ZNF599: variants seen among roughly 807,000 people sequenced by gnomAD.
ZNF599 encodes the protein zinc finger protein 599.
A neutral mutation model predicts 11.7 loss-of-function variants in ZNF599; 10 were observed. The observed-to-expected ratio is 0.86, with a 90% CI of 0.53 to 1.45. The LOEUF is 1.45. Among genes scored for constraint, ZNF599 ranks in the 40% most tolerant of loss-of-function variants. The probability of loss-of-function intolerance (pLI) is 0.00; values close to 1 mark genes in which losing one functional copy is unlikely to be tolerated. For synonymous variants in ZNF599, 232 were observed against 253.2 expected, an observed-to-expected ratio of 0.92 and a Z score of 0.79; for missense variants, 688 against 713.6, an observed-to-expected ratio of 0.96 and a Z score of 0.41.
At chr19:34,786,046 A>G in the ZNF599 span, among the ~76,000 whole-genome samples, 2 of 152,074 alleles carry the variant, frequency 1.3e-5, no homozygotes, top group African/African-American at 4.8e-5. Context: ...GGAGGATCAT[A>G]GCTAATGCAA....
At chr19:34,769,657 T>C in intron 1 of ZNF599, 102 bp from the exon 2 acceptor site, 1 of 1,419,176 alleles carries the variant, frequency 7.0e-7, no homozygotes, top group Non-Finnish European at 9.6e-7. Flanking sequence ...CCTGAACCAC[T>C]GAGCAACTCC....
chr19:34,794,960 A>T, the ZNF599 span, among the ~76,000 whole-genome samples: 4 of 152,134 alleles, frequency 2.6e-5, no homozygotes, highest in Admixed American at 1.3e-4. Flanking sequence ...GGTCCTGCCT[A>T]GCTTTGAAGG....
At chr19:34,804,504 T>C in the ZNF599 span, among the ~76,000 whole-genome samples, 1 of 152,260 alleles carries the variant, frequency 6.6e-6, no homozygotes, top group East Asian at 1.9e-4. Context: ...ACCTGAAGAT[T>C]TCTTCTTCTA....
Position 34,772,948 on chromosome 19 carries a change from G to T in ZNF599, c.-107C>A. The T allele has an allele frequency of 7.7e-7, 1 of 1,297,258 alleles. No individual in the cohort carries two copies. The highest frequency in any genetic ancestry group is 1.0e-6 in the Non-Finnish European group (1 of 995,130). 80.4% of individuals were successfully genotyped at this position (1,297,258 alleles called of 1,614,324 possible). On this transcript the variant is annotated 5_prime_UTR_variant, in exon 1 of 4. Coordinates refer to ENST00000329285, the MANE Select transcript of ZNF599 (RefSeq NM_001007248.3). ...TGGGCTGCGAGGGACCTCAGTCCCC[G>T]CCGTCGTGTAAAATGCACACAAGGT...
chr19:34,802,939 C>T, the ZNF599 span, among the ~76,000 whole-genome samples: 2 of 152,172 alleles, frequency 1.3e-5, no homozygotes, highest in East Asian at 3.8e-4. Flanking sequence ...CAACAGACTA[C>T]AGGTAAGAAA....
chr19:34,768,404 A>G (rs1259945764), intron 2 of ZNF599, among the ~76,000 whole-genome samples: 9 of 152,246 alleles, frequency 5.9e-5, no homozygotes, highest in African/African-American at 1.9e-4. Flanking sequence ...ATCCCTCGTG[A>G]GGACGCAGGA....
intron 3 of ZNF599, chr19:34,764,236 T>C (rs1303227494): frequency 6.6e-6 from 1 of 152,202 alleles, no homozygotes. Context: ...GCTGTGGTGC[T>C]GAGAAACACC....
the ZNF599 span, among the ~76,000 whole-genome samples, chr19:34,804,973 T>C: frequency 6.6e-6 from 1 of 152,194 alleles, no homozygotes; most frequent in African/African-American, 2.4e-5. Context: ...GCATAAACAC[T>C]ATCCTATAAA....
chr19:34,773,454 G>T (rs1351320865), upstream of ZNF599, among the ~76,000 whole-genome samples: 1 of 152,014 alleles, frequency 6.6e-6, no homozygotes, highest in East Asian at 1.9e-4. Context: ...ATTATCTGAG[G>T]CAATGACCCA....
At chr19:34,763,820 A>T (rs1375691201) in intron 3 of ZNF599, 1 of 152,146 alleles carries the variant, frequency 6.6e-6, no homozygotes, top group Non-Finnish European at 1.5e-5. Context: ...GTGGGGGCTC[A>T]CACCTGTAAT....
At chr19:34,790,446 G>A in the ZNF599 span, among the ~76,000 whole-genome samples, 1 of 152,110 alleles carries the variant, frequency 6.6e-6, no homozygotes, top group South Asian at 2.1e-4. Context: ...AAAAAGGGGG[G>A]AAATTCTGTC....
Position 34,772,845 on chromosome 19 carries a change from C to T in ZNF599, c.-4G>A, listed in dbSNP as rs2069193333. 3 of 1,510,984 alleles carry T rather than the reference C, an allele frequency of 2.0e-6. No individual in the cohort carries two copies. In the African/African-American group the frequency reaches 4.3e-5, roughly 22 times the overall value. The allele number at this position is 1,510,984 out of a possible 1,614,324, so 93.6% of individuals were successfully genotyped here. ...TCACCAACGCCGGCGCCGCCATGGGCCCAGGGGGCTGGGTGAGGCCGTGAG... is the reference window on the plus strand; with the variant it reads ...TCACCAACGCCGGCGCCGCCATGGGTCCAGGGGGCTGGGTGAGGCCGTGAG... On this transcript the variant is annotated 5_prime_UTR_variant, in exon 1 of 4. Transcript: ENST00000329285.
Position 34,767,335 on chromosome 19 carries a change from G to C in ZNF599, c.222C>G (p.Leu74=). Residue 74 remains leucine, a synonymous_variant, in exon 3 of 4, where the codon CTC becomes CTG. Coordinates refer to ENST00000329285, the MANE Select transcript of ZNF599 (RefSeq NM_001007248.3). ...ACCAACCTGCGCAGGTGCTTTGGGA[G>C]AGGCCTCTCTTCACTGTCCACAGTT... is the stretch of plus-strand genomic sequence containing the variant. ...GQELWTVKRG[L]SQSTCAGEKA... is the part of the protein sequence containing the mutation. The C allele has an allele frequency of 6.2e-7, 1 of 1,614,146 alleles. No homozygotes were observed. The highest frequency in any genetic ancestry group is 8.5e-7 in the Non-Finnish European group (1 of 1,180,004).
chr19:34,785,304 A>G, the ZNF599 span, among the ~76,000 whole-genome samples: 1 of 152,130 alleles, frequency 6.6e-6, no homozygotes, highest in African/African-American at 2.4e-5. Flanking sequence ...TTTAGCGAAC[A>G]CCACTTACCT....
Position 34,773,087 on chromosome 19 carries a change from T to G in ZNF599, c.-246A>C. On this transcript the variant is annotated 5_prime_UTR_variant, in exon 1 of 4. Transcript: ENST00000329285. ...CGCGGCTGACATAAAAGCGTGTAAG[T>G]GGGTCCTATCCTCCTCACTGTCCGT... 1.9e-6 allele frequency: 1 copy of G among 523,258 alleles called. No individual in the cohort carries two copies. Among genetic ancestry groups the G allele is most frequent in the Non-Finnish European group, 3.3e-6 (1 of 300,718 alleles). The allele number at this position is 523,258 out of a possible 1,614,324, so 32.4% of individuals were successfully genotyped here.
chr19:34,773,781 A>G (rs2069202124), upstream of ZNF599, among the ~76,000 whole-genome samples: 1 of 152,194 alleles, frequency 6.6e-6, no homozygotes. Context: ...AGACTCTTTA[A>G]ATTCCAGTAA....
chr19:34,771,951 T>C (rs980611627), intron 1 of ZNF599, among the ~76,000 whole-genome samples: 3 of 152,086 alleles, frequency 2.0e-5, no homozygotes, highest in Non-Finnish European at 4.4e-5. Flanking sequence ...CTTTACATGA[T>C]GCAACCAGGG....
chr19:34,769,346 A>T (rs1394582740), intron 2 of ZNF599, 83 bp downstream of exon 2: 5 of 1,598,972 alleles, frequency 3.1e-6, no homozygotes, highest in Non-Finnish European at 4.3e-6. Context: ...TTGGGTTCTG[A>T]GGCTCCTGGA....
At chr19:34,777,339 A>AATATATTATATATTATATATTAATATATT (rs1335086315), upstream of ZNF599, among the ~76,000 whole-genome samples, 97 of 44,308 alleles carry the variant, frequency 2.2e-3, no homozygotes, top group Non-Finnish European at 2.8e-3. Context: ...ATTATATATT[A>AATATATTATATATTATATATTAATATATT]ATATATTATA....
Sources: allele counts gnomAD v4.1 joint callset (sites outside exome capture counted in the v4.1 genomes callset), GRCh38; gene constraint gnomAD v4.1.1; transcripts MANE v1.5; gene names NCBI Gene and HGNC (gene_info 2026-07-23, HGNC 2026-07-21).